The following MYCBP2 variants were observed in gnomAD, a reference collection of about 807,000 sequenced individuals.
MYCBP2 encodes the protein E3 ubiquitin-protein ligase MYCBP2.
In MYCBP2, 120 loss-of-function variants were observed where a neutral mutation model predicts 525.3. The observed-to-expected ratio is 0.23, with a 90% CI of 0.20 to 0.27. The LOEUF is 0.27. Ranked by LOEUF, MYCBP2 falls within the 10% of genes least tolerant of loss-of-function variation. MYCBP2 has a pLI of 1.00. For synonymous variants in MYCBP2, 1,894 were observed against 1,955.8 expected (o/e 0.97, Z 0.83); for missense variants, 4,149 against 5,657.1 (o/e 0.73, Z 8.55).
intron 47 of MYCBP2, among the ~76,000 whole-genome samples, chr13:77,147,150 G>C (rs534730342): frequency 9.2e-5 from 14 of 152,116 alleles, no homozygotes; most frequent in Admixed American, 9.2e-4. Flanking sequence ...TCTGGAAAAC[G>C]TATTGAACAA....
chr13:77,188,483 T>G (rs1192361825), intron 30 of MYCBP2, among the ~76,000 whole-genome samples: 1 of 152,238 alleles, frequency 6.6e-6, no homozygotes. Flanking sequence ...ATGTTGACTT[T>G]CCATTCTGCA....
chr13:77,087,553 A>G lies in MYCBP2; in HGVS notation c.10806T>C (p.Thr3602=). ...DILWHFVASL[T]PAPVEPEEEE... is the part of the protein sequence containing the mutation. ...CTTCCTCTGGTTCCACTGGTGCAGG[A>G]GTCAGTGATGCCACAAAATGCCACA... The change falls in exon 62 of 83, where the codon ACT becomes ACC. Residue 3602 remains threonine, a synonymous_variant. Coordinates refer to ENST00000544440, the MANE Select transcript of MYCBP2 (RefSeq NM_015057.5). 6.2e-7 allele frequency: 1 copy of G among 1,613,170 alleles called. No homozygotes were observed. Among genetic ancestry groups the G allele is most frequent in the Non-Finnish European group, 8.5e-7 (1 of 1,179,490 alleles).
chr13:77,219,829 A>T (rs1193504690), intron 20 of MYCBP2, among the ~76,000 whole-genome samples: 1 of 152,156 alleles, frequency 6.6e-6, no homozygotes, highest in Non-Finnish European at 1.5e-5. Context: ...TTTTCAACTC[A>T]GATATAAAGG....
rs1382398855 is a variant in MYCBP2 at position 77,301,315 on chromosome 13, C to T, written c.303-4641G>A. On this transcript the variant is annotated intron_variant, in intron 1 of 82. Coordinates refer to ENST00000544440, the MANE Select transcript of MYCBP2 (RefSeq NM_015057.5). ...CCTGCAATCCCAGCAACTAGGGAGG[C>T]GGAGGCAGGAGAATCGCTTGAACCT... is the stretch of plus-strand genomic sequence containing the variant. Among the ~76,000 whole-genome samples, 11 of 148,452 alleles carry T rather than the reference C, an allele frequency of 7.4e-5. No individual in the cohort carries two copies. In the Admixed American group the frequency reaches 7.4e-4, roughly 10 times the overall value.
At chr13:77,245,525 A>G (rs950317847) in intron 15 of MYCBP2, among the ~76,000 whole-genome samples, 2 of 146,586 alleles carry the variant, frequency 1.4e-5, no homozygotes, top group African/African-American at 5.0e-5. Context: ...CAAACACTGC[A>G]TGTTCTCACT....
intron 43 of MYCBP2, among the ~76,000 whole-genome samples, chr13:77,163,446 A>G (rs188891093): frequency 3.5e-4 from 53 of 152,266 alleles, no homozygotes; most frequent in Non-Finnish European, 7.4e-4. Flanking sequence ...GGAAAAAAAT[A>G]ACAGTGGGAA....
chr13:77,098,887 T>C lies in MYCBP2; in HGVS notation c.8267A>G (p.Lys2756Arg), dbSNP rs552253074. Reference sequence around the variant, plus strand: ...TAAACTTTCTGTGCCCCTTGGCTTCTTCTGATCAGCAGTAGTCCGGCTCAT... The same window carrying C: ...TAAACTTTCTGTGCCCCTTGGCTTCCTCTGATCAGCAGTAGTCCGGCTCAT... Reference protein sequence around the residue: ...GRMSRTTADQKKPRGTESLSA... With the variant: ...GRMSRTTADQRKPRGTESLSA... The change falls in exon 56 of 83, where the codon AAG becomes AGG. Residue 2756 changes from lysine (K) to arginine (R), a missense_variant. By Grantham distance (26) the Lys-to-Arg change is conservative. Transcript: ENST00000544440. The C allele has an allele frequency of 1.9e-6, 3 of 1,613,746 alleles. No homozygotes were observed. The highest frequency in any genetic ancestry group is 1.7e-5 in the Admixed American group (1 of 59,966).
chr13:77,149,259 T>C (rs1280368304), intron 47 of MYCBP2, among the ~76,000 whole-genome samples: 2 of 152,166 alleles, frequency 1.3e-5, no homozygotes, highest in Non-Finnish European at 2.9e-5. Flanking sequence ...TTTTCTCTTA[T>C]CTACCTTGTA....
chr13:77,326,487 G>C lies in MYCBP2; in HGVS notation c.289C>G (p.His97Asp). 6.3e-7 allele frequency: 1 copy of C among 1,579,612 alleles called. No homozygotes were observed. Among genetic ancestry groups the C allele is most frequent in the Non-Finnish European group, 8.6e-7 (1 of 1,164,330 alleles). Residue 97 changes from histidine to aspartate, a missense_variant, in exon 1 of 83, where the codon CAC becomes GAC. Physicochemically the swap from His to Asp is moderately conservative, Grantham distance 81 (BLOSUM62 -1). Coordinates refer to ENST00000544440, the MANE Select transcript of MYCBP2 (RefSeq NM_015057.5). The surrounding 1 kb of genome is among the most constrained non-coding windows in gnomAD (Gnocchi z 4.2). ...DRDQGGGSAG[H>D]PASRNKKILN... ...CTGGGGACGCACCTGGAGGCTGGGT[G>C]TCCAGCGCTGCCGCCCCCCTGGTCC...
At chr13:77,163,387 C>G (rs945643697) in intron 43 of MYCBP2, among the ~76,000 whole-genome samples, 4 of 150,590 alleles carry the variant, frequency 2.7e-5, no homozygotes, top group African/African-American at 9.8e-5. Context: ...TAAAAGGGAC[C>G]AGGAAGAGAA....
Position 77,081,406 on chromosome 13 carries a change from A to G in MYCBP2, c.11418+21T>C. 6.3e-7 allele frequency: 1 copy of G among 1,599,874 alleles called. No individual in the cohort carries two copies. The highest frequency in any genetic ancestry group is 8.5e-7 in the Non-Finnish European group (1 of 1,169,876). The stretch of plus-strand genomic sequence containing the variant: ...GATCTGAAAAGAGCTAAAGAGCCGT[A>G]AATCACGTTTGCTTTCTTACCCCAA... On this transcript the variant is annotated intron_variant, in intron 65 of 82. Coordinates refer to ENST00000544440, the MANE Select transcript of MYCBP2 (RefSeq NM_015057.5). The surrounding 1 kb of genome is among the most constrained non-coding windows in gnomAD (Gnocchi z 4.6).
chr13:77,047,601 GA>G lies in MYCBP2; in HGVS notation c.13922-2109del, dbSNP rs1247301506. Among the ~76,000 whole-genome samples, 15 of 152,188 alleles carry G rather than the reference GA, an allele frequency of 9.9e-5. No individual in the cohort carries two copies. The South Asian group carries it at 2.7e-3, about 27-fold the overall frequency. ...CCATATAACATAAAAAGCAGTTGGG[GA>G]AAAAAAGTCAAGCTGCAGGCACCGA... On this transcript the variant is annotated intron_variant, in intron 82 of 82. Coordinates refer to ENST00000544440, the MANE Select transcript of MYCBP2 (RefSeq NM_015057.5).
chr13:77,203,277 A>C (rs935081667), intron 26 of MYCBP2, among the ~76,000 whole-genome samples: 1 of 152,060 alleles, frequency 6.6e-6, no homozygotes, highest in African/African-American at 2.4e-5. Context: ...CCAAATCATG[A>C]GTGAACTCCC....
At chr13:77,294,131 C>CATATATATATATATATACACAT in intron 2 of MYCBP2, among the ~76,000 whole-genome samples, 72 of 65,704 alleles carry the variant, frequency 1.1e-3, no homozygotes, top group African/African-American at 3.4e-3. Context: ...TATATATATA[C>CATATATATATATATATACACAT]ATATATATAT....
chr13:77,164,376 C>T, intron 43 of MYCBP2, 78 bp downstream of exon 43: 3 of 866,514 alleles, frequency 3.5e-6, no homozygotes, highest in South Asian at 3.0e-5. Flanking sequence ...TTTTGCAAAT[C>T]TATTTTTGGC....
intron 15 of MYCBP2, among the ~76,000 whole-genome samples, chr13:77,246,260 A>T (rs2154320962): frequency 6.6e-6 from 1 of 152,350 alleles, no homozygotes; most frequent in South Asian, 2.1e-4. Context: ...AAAAGCAAGC[A>T]TTATAAACAA....
intron 1 of MYCBP2, among the ~76,000 whole-genome samples, chr13:77,314,888 C>T (rs1200012584): frequency 4.0e-5 from 6 of 151,852 alleles, no homozygotes; most frequent in Non-Finnish European, 8.8e-5. Context: ...ATCTCTGTAC[C>T]CTCTTCTCAA....
chr13:77,098,829 A>T lies in MYCBP2; in HGVS notation c.8325T>A (p.Asp2775Glu). Residue 2775 changes from aspartate (D) to glutamate (E), a missense_variant, in exon 56 of 83, where the codon GAT (aspartate) becomes GAA (glutamate). By Grantham distance (45) the Asp-to-Glu change is conservative (BLOSUM62 2). This residue lies in a region of MYCBP2 where 653 missense variants were observed against 744.7 expected (regional missense o/e 0.88). Transcript: ENST00000544440. ...GGGAATCTGACCTCAACTTTGCAGC[A>T]TCAGATTTTAAGATGAGGGATTCAC... ...SASESLILKSDAAKLRSDSHS... is the reference protein window; with the variant it reads ...SASESLILKSEAAKLRSDSHS... 6.2e-7 allele frequency: 1 copy of T among 1,613,644 alleles called. No individual in the cohort carries two copies. Among genetic ancestry groups the T allele is most frequent in the Non-Finnish European group, 8.5e-7 (1 of 1,179,732 alleles).
Position 77,185,947 on chromosome 13 carries a change from T to C in MYCBP2, c.4368A>G (p.Leu1456=). The C allele has an allele frequency of 6.2e-7, 1 of 1,613,850 alleles. No individual in the cohort carries two copies. The highest frequency in any genetic ancestry group is 8.5e-7 in the Non-Finnish European group (1 of 1,179,852). The part of the protein sequence containing the change: ...GFQFTATLLD[L]ERLRFVGTCC... ...AGGTACCCACAAAGCGCAGTCTCTC[T>C]AAATCTAGGAGTGTAGCTGTGAACT... Residue 1456 remains leucine, a synonymous_variant, in exon 31 of 83, where the codon TTA becomes TTG. Transcript: ENST00000544440.
Sources: allele counts gnomAD v4.1 joint callset (sites outside exome capture counted in the v4.1 genomes callset), GRCh38; gene constraint gnomAD v4.1.1; regional missense constraint gnomAD v4.1.1; non-coding constraint Gnocchi (gnomAD v3.1); transcripts MANE v1.5; gene names NCBI Gene and HGNC (gene_info 2026-07-23, HGNC 2026-07-21).